GRIP1: variants seen among roughly 807,000 people sequenced by gnomAD.
The protein encoded by GRIP1 is glutamate receptor interacting protein 1.
Under a neutral mutation model 129.9 loss-of-function variants are expected in GRIP1, and 45 were observed. That is an observed-to-expected ratio of 0.35 (90% CI 0.27 to 0.44). The LOEUF (loss-of-function observed/expected upper bound fraction) is 0.44. GRIP1 is among the 20% of genes least tolerant of loss of function. GRIP1 has a pLI of 1.00. For missense variants in GRIP1, 1,196 were observed against 1,396.8 expected, an observed-to-expected ratio of 0.86 and a Z score of 2.29; for synonymous variants, 530 against 520.8, an observed-to-expected ratio of 1.02 and a Z score of -0.24.
At chr12:66,846,570 C>G (rs2039819539) in intron 1 of GRIP1, among the ~76,000 whole-genome samples, 1 of 152,136 alleles carries the variant, frequency 6.6e-6, no homozygotes, top group Admixed American at 6.6e-5. Flanking sequence ...ATGACTAACA[C>G]CGAAAAAATA....
chr12:66,817,268 CATTTTAAAGCGTAA>C (rs1951833785), intron 1 of GRIP1, among the ~76,000 whole-genome samples: 2 of 150,992 alleles, frequency 1.3e-5, no homozygotes, highest in African/African-American at 4.9e-5. Flanking sequence ...CGGACTATTT[CATTTTAAAGCGTAA>C]ATTTTAAATT....
intron 1 of GRIP1, among the ~76,000 whole-genome samples, chr12:66,601,546 G>C (rs1460928322): frequency 6.6e-6 from 1 of 152,146 alleles, no homozygotes; most frequent in African/African-American, 2.4e-5. Flanking sequence ...GCTGAAGAAA[G>C]AAAATTTAAT....
chr12:66,845,490 A>G (rs1223357332), intron 1 of GRIP1, among the ~76,000 whole-genome samples: 1 of 152,088 alleles, frequency 6.6e-6, no homozygotes, highest in Non-Finnish European at 1.5e-5. Flanking sequence ...TAAATATAGG[A>G]ACATTTGATA....
At chr12:66,404,029 A>G (rs924548872) in intron 16 of GRIP1, among the ~76,000 whole-genome samples, 1 of 152,216 alleles carries the variant, frequency 6.6e-6, no homozygotes, top group Non-Finnish European at 1.5e-5. Flanking sequence ...TTGCCTCTTC[A>G]CTAGGACAGA....
chr12:66,553,125 T>G (rs1485832368), intron 2 of GRIP1, among the ~76,000 whole-genome samples: 2 of 152,218 alleles, frequency 1.3e-5, no homozygotes, highest in Admixed American at 6.5e-5. Context: ...ACCATTTTCT[T>G]GTCACAGAGA....
intron 2 of GRIP1, among the ~76,000 whole-genome samples, chr12:66,580,271 A>G (rs1363989852): frequency 6.6e-6 from 1 of 151,304 alleles, no homozygotes; most frequent in Admixed American, 6.6e-5. Context: ...TAAACATGGA[A>G]AGGAACAACT....
intron 1 of GRIP1, among the ~76,000 whole-genome samples, chr12:66,906,425 T>A (rs1469488556): frequency 6.6e-6 from 1 of 152,028 alleles, no homozygotes; most frequent in Non-Finnish European, 1.5e-5. Flanking sequence ...AGTGAGACCC[T>A]GTCTCAAAAA....
chr12:66,783,190 T>G (rs1485762841), intron 1 of GRIP1, among the ~76,000 whole-genome samples: 1 of 152,098 alleles, frequency 6.6e-6, no homozygotes, highest in African/African-American at 2.4e-5. Context: ...ATTACCACAC[T>G]TGGCTACTTT....
chr12:66,707,038 GAACA>G (rs1378530508), intron 1 of GRIP1, among the ~76,000 whole-genome samples: 1 of 151,292 alleles, frequency 6.6e-6, no homozygotes, highest in Admixed American at 6.6e-5. Context: ...ACTTAAGTTT[GAACA>G]AACAAAAATC....
intron 1 of GRIP1, among the ~76,000 whole-genome samples, chr12:66,952,614 AAC>A (rs1288633618): frequency 5.3e-5 from 8 of 152,214 alleles, no homozygotes; most frequent in Non-Finnish European, 1.2e-4. Flanking sequence ...GCTATGGTAA[AAC>A]AGGACTTAAG....
Position 66,462,952 on chromosome 12 carries a change from G to T in GRIP1, c.1014C>A (p.Thr338=). 1 of 1,614,022 alleles carries T rather than the reference G, an allele frequency of 6.2e-7. No homozygotes were observed. Among genetic ancestry groups the T allele is most frequent in the Non-Finnish European group, 8.5e-7 (1 of 1,179,976 alleles). ...VKLEILPHHQ[T]RLALKGPDHV... ...GGTCGGGCCCCTTTAGGGCCAGCCG[G>T]GTCTGATGATGGGGAAGGATCTCAA... is the stretch of plus-strand genomic sequence containing the variant. The change falls in exon 9 of 25, where the codon ACC becomes ACA. Residue 338 remains threonine, a synonymous_variant. Transcript: ENST00000359742.
intron 2 of GRIP1, among the ~76,000 whole-genome samples, chr12:66,566,949 G>A (rs1033509902): frequency 5.3e-5 from 8 of 152,130 alleles, no homozygotes; most frequent in African/African-American, 1.9e-4. Context: ...TCTGATGGTA[G>A]TTTGTATTTC....
At chr12:66,818,107 T>C (rs925293460) in intron 1 of GRIP1, among the ~76,000 whole-genome samples, 3 of 152,244 alleles carry the variant, frequency 2.0e-5, no homozygotes, top group Admixed American at 1.3e-4. Flanking sequence ...TTGTACTCTA[T>C]CACATTAATA....
intron 11 of GRIP1, among the ~76,000 whole-genome samples, chr12:66,453,259 C>T (rs888771701): frequency 6.6e-6 from 1 of 152,206 alleles, no homozygotes; most frequent in Non-Finnish European, 1.5e-5. Context: ...CTAATCAACA[C>T]AGCAAGTCTT....
At chr12:66,865,662 C>G (rs908169833) in intron 1 of GRIP1, among the ~76,000 whole-genome samples, 1 of 152,066 alleles carries the variant, frequency 6.6e-6, no homozygotes, top group East Asian at 1.9e-4. Context: ...CATCTACCCA[C>G]CCACATTCTC....
At chr12:66,599,960 T>G (rs890141570) in intron 1 of GRIP1, among the ~76,000 whole-genome samples, 1 of 152,198 alleles carries the variant, frequency 6.6e-6, no homozygotes, top group African/African-American at 2.4e-5. Flanking sequence ...AGTCATTGGG[T>G]CCACATGTTG....
chr12:66,555,058 G>T (rs1321828818), intron 2 of GRIP1, among the ~76,000 whole-genome samples: 1 of 152,122 alleles, frequency 6.6e-6, no homozygotes, highest in Non-Finnish European at 1.5e-5. Flanking sequence ...GAAAACATAG[G>T]TGGTAGCCAA....
At chr12:66,794,622 G>A (rs979991598) in intron 1 of GRIP1, among the ~76,000 whole-genome samples, 3 of 152,130 alleles carry the variant, frequency 2.0e-5, no homozygotes, top group African/African-American at 7.2e-5. Context: ...GTGTAATCTT[G>A]AGTTAGACAT....
At chr12:66,358,257 T>C (rs1258642740) in intron 23 of GRIP1, among the ~76,000 whole-genome samples, 2 of 152,146 alleles carry the variant, frequency 1.3e-5, no homozygotes, top group Non-Finnish European at 2.9e-5. Context: ...TTCTCATCTT[T>C]GGCCACAGGA....
Sources: allele counts gnomAD v4.1 joint callset (sites outside exome capture counted in the v4.1 genomes callset), GRCh38; gene constraint gnomAD v4.1.1; transcripts MANE v1.5; gene names NCBI Gene and HGNC (gene_info 2026-07-23, HGNC 2026-07-21).